Variants in AGAP1 observed in about 807,000 individuals in gnomAD.
AGAP1 encodes the protein arf-GAP with GTPase, ANK repeat and PH domain-containing protein 1.
Under a neutral mutation model 105.3 loss-of-function variants are expected in AGAP1, and 29 were observed. The ratio of observed to expected loss-of-function variants is 0.28; its 90% confidence interval spans 0.21 to 0.38. AGAP1 has a LOEUF of 0.38. Among genes scored for constraint, AGAP1 ranks in the 10% least tolerant of loss-of-function variants. The pLI, the probability that AGAP1 is intolerant of heterozygous loss-of-function variation, is 1.00. For synonymous variants in AGAP1, 509 were observed against 485.9 expected, an observed-to-expected ratio of 1.05 and a Z score of -0.63; for missense variants, 998 against 1,165.1, an observed-to-expected ratio of 0.86 and a Z score of 2.09.
chr2:235,852,458 C>G (rs760043059), intron 9 of AGAP1, among the ~76,000 whole-genome samples: 24 of 152,196 alleles, frequency 1.6e-4, no homozygotes, highest in Non-Finnish European at 1.5e-4. Context: ...GTATGGGTGC[C>G]TTTGGAGATC....
In AGAP1 at chr2:236,015,988, T is replaced by C. The variant is rs894700142; in HGVS notation, c.1646-20573T>C. On this transcript the variant is annotated intron_variant, in intron 13 of 17. Coordinates refer to ENST00000304032, the MANE Select transcript of AGAP1 (RefSeq NM_001037131.3). ...TATCACCATCCTCTTTTTTTCTTTC[T>C]TTCACAATTACTCCTGTCTTGCCGC... Among the ~76,000 whole-genome samples, 8 of 152,286 alleles carry C rather than the reference T, an allele frequency of 5.3e-5. No individual in the cohort carries two copies. The East Asian group carries it at 1.2e-3, about 22-fold the overall frequency.
intron 11 of AGAP1, among the ~76,000 whole-genome samples, chr2:235,922,949 C>T (rs1310113404): frequency 6.6e-6 from 1 of 152,200 alleles, no homozygotes; most frequent in Non-Finnish European, 1.5e-5. Flanking sequence ...GCGCTTTTGA[C>T]ACATGGAAGC....
At chr2:235,683,136 A>G (rs1483187611) in intron 1 of AGAP1, among the ~76,000 whole-genome samples, 2 of 152,078 alleles carry the variant, frequency 1.3e-5, no homozygotes, top group Non-Finnish European at 1.5e-5. Context: ...TGAAACCCCC[A>G]TCTCTACTAA....
rs2057894462 is a variant in AGAP1 at position 236,051,529 on chromosome 2, G to A, written c.2114+2248G>A. 6.6e-6 allele frequency among the ~76,000 whole-genome samples: 1 copy of A among 152,166 alleles called. No homozygotes were observed. Among genetic ancestry groups the A allele is most frequent in the Non-Finnish European group, 1.5e-5 (1 of 68,030 alleles). On this transcript the variant is annotated intron_variant, in intron 16 of 17. Transcript: ENST00000304032. This position sits in a 1 kb window ranked among gnomAD's most constrained non-coding sequence, Gnocchi z 5.9. ...GAAGGCGGGCTGGAGGGTGGGAGTG[G>A]CCTCGGTGGATGCAGGCTCGGCCGG...
At chr2:235,710,768 C>T (rs1950814532) in intron 2 of AGAP1, among the ~76,000 whole-genome samples, 1 of 152,140 alleles carries the variant, frequency 6.6e-6, no homozygotes, top group Non-Finnish European at 1.5e-5. Flanking sequence ...TCAGAACAAT[C>T]CCGCAGTTTC....
In AGAP1 at chr2:236,005,333, G is replaced by GT. The variant is rs1339172581; in HGVS notation, c.1646-31225dup. ...TTTTTTTATTTTTGGTAGAAACGTT[G>GT]TTTCACCATGTTGCCCAGGCTGGTC... is the stretch of plus-strand genomic sequence containing the variant. On this transcript the variant is annotated intron_variant, in intron 13 of 17. Coordinates refer to ENST00000304032, the MANE Select transcript of AGAP1 (RefSeq NM_001037131.3). This position sits in a 1 kb window ranked among gnomAD's most constrained non-coding sequence, Gnocchi z 4.1. Among the ~76,000 whole-genome samples the GT allele has an allele frequency of 3.9e-5, 6 of 151,946 alleles. No homozygotes were observed. Among genetic ancestry groups the GT allele is most frequent in the Non-Finnish European group, 8.8e-5 (6 of 67,996 alleles).
chr2:235,764,634 C>T (rs951745127), intron 6 of AGAP1, among the ~76,000 whole-genome samples: 5 of 151,732 alleles, frequency 3.3e-5, no homozygotes, highest in Non-Finnish European at 7.4e-5. Context: ...CTGCATGTTC[C>T]CACCCCTGAT....
At chr2:235,715,765 C>T (rs961837080) in intron 2 of AGAP1, among the ~76,000 whole-genome samples, 31 of 152,250 alleles carry the variant, frequency 2.0e-4, no homozygotes, top group African/African-American at 7.2e-4. Context: ...TTGATCCGTG[C>T]ACACTGGAGA....
At chr2:236,032,180 G>A (rs936796874) in intron 13 of AGAP1, among the ~76,000 whole-genome samples, 3 of 152,182 alleles carry the variant, frequency 2.0e-5, no homozygotes, top group African/African-American at 7.2e-5. Flanking sequence ...TCACAATTTG[G>A]TAAGCAGACT....
At chr2:235,755,522 C>T (rs1953854119) in intron 6 of AGAP1, among the ~76,000 whole-genome samples, 1 of 152,172 alleles carries the variant, frequency 6.6e-6, no homozygotes, top group South Asian at 2.1e-4. Flanking sequence ...CTCACTACAG[C>T]CTCTACCTCC....
intron 13 of AGAP1, among the ~76,000 whole-genome samples, chr2:235,990,168 A>G (rs929990361): frequency 2.6e-5 from 4 of 152,224 alleles, no homozygotes; most frequent in African/African-American, 9.6e-5. Context: ...ATCAAATTGC[A>G]GAAAAATAAA....
chr2:235,636,026 T>G (rs534371994), intron 1 of AGAP1, among the ~76,000 whole-genome samples: 2 of 151,882 alleles, frequency 1.3e-5, no homozygotes, highest in African/African-American at 4.8e-5. Flanking sequence ...GGCAGGAGAA[T>G]AGCTTGAACC....
Position 235,981,955 on chromosome 2 carries a change from T to C in AGAP1, c.1645+13332T>C, listed in dbSNP as rs2055118063. Among the ~76,000 whole-genome samples, 2 of 152,214 alleles carry C rather than the reference T, an allele frequency of 1.3e-5. No homozygotes were observed. The highest frequency in any genetic ancestry group is 6.5e-5 in the Admixed American group (1 of 15,280). On this transcript the variant is annotated intron_variant, in intron 13 of 17. Coordinates refer to ENST00000304032, the MANE Select transcript of AGAP1 (RefSeq NM_001037131.3). The surrounding 1 kb of genome is among the most constrained non-coding windows in gnomAD (Gnocchi z 5.5). ...ATTCTTCCTACAGAAGAAGTTCATA[T>C]AAAATAAGGGGTTTTATTATGGGTT... is the stretch of plus-strand genomic sequence containing the variant.
At chr2:235,775,769 TAATC>T (rs1424554891) in intron 6 of AGAP1, 1 of 152,256 alleles carries the variant, frequency 6.6e-6, no homozygotes, top group Non-Finnish European at 1.5e-5. Flanking sequence ...TACGTGTAAT[TAATC>T]AAAACATTGA....
At chr2:235,636,693 C>T (rs568166941) in intron 1 of AGAP1, among the ~76,000 whole-genome samples, 1 of 152,304 alleles carries the variant, frequency 6.6e-6, no homozygotes, top group South Asian at 2.1e-4. Flanking sequence ...GTCGTCGTGT[C>T]ATCACTTGTT....
At chr2:235,914,621 T>C (rs2051783477) in intron 11 of AGAP1, among the ~76,000 whole-genome samples, 1 of 152,240 alleles carries the variant, frequency 6.6e-6, no homozygotes, top group Non-Finnish European at 1.5e-5. Flanking sequence ...GTTTTTGCCA[T>C]GGGCTTGGGA....
intron 11 of AGAP1, among the ~76,000 whole-genome samples, chr2:235,912,969 A>G (rs1169209796): frequency 6.6e-6 from 1 of 152,150 alleles, no homozygotes; most frequent in Non-Finnish European, 1.5e-5. Flanking sequence ...CCATTTTTGC[A>G]CTAGGTTCTT....
chr2:236,015,755 T>C (rs532745710), intron 13 of AGAP1, among the ~76,000 whole-genome samples: 2 of 152,164 alleles, frequency 1.3e-5, no homozygotes, highest in Non-Finnish European at 2.9e-5. Context: ...ATGGGTCAAG[T>C]AATCGCAAGC....
chr2:235,834,290 G>A (rs1959846869), intron 9 of AGAP1, among the ~76,000 whole-genome samples: 1 of 152,208 alleles, frequency 6.6e-6, no homozygotes, highest in African/African-American at 2.4e-5. Context: ...ATAGTATGAG[G>A]TGCAGGCTTT....
Sources: gnomAD v4.1 joint callset for allele counts (sites outside exome capture counted in the v4.1 genomes callset) on GRCh38, gnomAD v4.1.1 for gene constraint, Gnocchi (gnomAD v3.1) non-coding constraint, MANE v1.5 for transcripts, NCBI Gene and HGNC (gene_info 2026-07-23, HGNC 2026-07-21) for gene names.